MACROD2: variants seen among roughly 807,000 people sequenced by gnomAD.
MACROD2 encodes ADP-ribose glycohydrolase MACROD2.
In MACROD2, 36 loss-of-function variants were observed where a neutral mutation model predicts 70.4. The ratio of observed to expected loss-of-function variants is 0.51; its 90% CI spans 0.39 to 0.68. The LOEUF (loss-of-function observed/expected upper bound fraction) is 0.68, where lower values mean the gene tolerates loss of function less well. Among genes scored for constraint, MACROD2 ranks in the 30% least tolerant of loss-of-function variants. The pLI is 0.00. For missense variants in MACROD2, 496 were observed against 538.4 expected (o/e 0.92, Z 0.78); for synonymous variants, 172 against 178.8 (o/e 0.96, Z 0.30).
At chr20:14,230,839 C>A (rs4813154) in intron 3 of MACROD2, among the ~76,000 whole-genome samples, 1 of 151,038 alleles carries the variant, frequency 6.6e-6, no homozygotes, top group African/African-American at 2.4e-5. Flanking sequence ...GTATTTCTTA[C>A]AAGAAGGCTT....
At chr20:15,945,706 C>A (rs985962251) in intron 12 of MACROD2, among the ~76,000 whole-genome samples, 3 of 152,134 alleles carry the variant, frequency 2.0e-5, no homozygotes, top group Admixed American at 6.5e-5. Context: ...TTTAAAAAGT[C>A]ATCAGTGTTA....
chr20:14,711,611 G>C (rs2071339501), intron 5 of MACROD2, among the ~76,000 whole-genome samples: 1 of 152,086 alleles, frequency 6.6e-6, no homozygotes, highest in Non-Finnish European at 1.5e-5. Context: ...AAACTAACGA[G>C]TGTTTGTCTA....
At chr20:14,241,115 CA>C (rs879797391) in intron 3 of MACROD2, among the ~76,000 whole-genome samples, 8 of 144,234 alleles carry the variant, frequency 5.5e-5, no homozygotes, top group East Asian at 4.0e-4. Context: ...GACTCCGTCT[CA>C]AAAAAAAAAA....
At chr20:14,977,462 T>TACACACACACACACACAC (rs3045702) in intron 5 of MACROD2, among the ~76,000 whole-genome samples, 1 of 135,016 alleles carries the variant, frequency 7.4e-6, no homozygotes, top group African/African-American at 2.8e-5. Flanking sequence ...AAGAAAAAGA[T>TACACACACACACACACAC]ACACACACAC....
At chr20:14,249,128 GTTT>G (rs1173672516) in intron 3 of MACROD2, among the ~76,000 whole-genome samples, 8 of 103,076 alleles carry the variant, frequency 7.8e-5, no homozygotes, top group Non-Finnish European at 1.1e-4. Context: ...GATTTCAAAG[GTTT>G]TTTTTTTTTT....
chr20:15,566,628 A>G, intron 8 of MACROD2, among the ~76,000 whole-genome samples: 1 of 152,082 alleles, frequency 6.6e-6, no homozygotes, highest in East Asian at 1.9e-4. Context: ...CTACCTTTGT[A>G]TTTCTTGTCA....
intron 5 of MACROD2, among the ~76,000 whole-genome samples, chr20:15,027,249 T>C (rs1395471390): frequency 6.6e-6 from 1 of 152,234 alleles, no homozygotes; most frequent in Non-Finnish European, 1.5e-5. Context: ...CATTTTATTA[T>C]AGGCATGTCC....
intron 5 of MACROD2, among the ~76,000 whole-genome samples, chr20:14,940,148 CAAAAA>C (rs57697517): frequency 9.1e-5 from 5 of 55,104 alleles, no homozygotes; most frequent in African/African-American, 2.4e-4. Context: ...CTCATCTCTG[CAAAAA>C]AAAAAAAAAA....
chr20:15,615,346 T>G (rs1056289141), intron 8 of MACROD2, among the ~76,000 whole-genome samples: 8 of 152,134 alleles, frequency 5.3e-5, no homozygotes, highest in Middle Eastern at 3.2e-3. Context: ...GAAAAACCAT[T>G]TCCAGGTTTT....
chr20:14,941,680 A>G (rs558010340), intron 5 of MACROD2, among the ~76,000 whole-genome samples: 14 of 152,046 alleles, frequency 9.2e-5, no homozygotes, highest in South Asian at 8.3e-4. Context: ...TTGTTTTTCT[A>G]TTGGGGGAAA....
At chr20:14,191,596 A>ATCT (rs746714181) in intron 3 of MACROD2, among the ~76,000 whole-genome samples, 1 of 152,210 alleles carries the variant, frequency 6.6e-6, no homozygotes, top group Admixed American at 6.5e-5. Flanking sequence ...GGAGAGGGAG[A>ATCT]GTAGAGAATG....
chr20:16,016,785 C>T (rs908381949), intron 15 of MACROD2, among the ~76,000 whole-genome samples: 2 of 152,160 alleles, frequency 1.3e-5, no homozygotes, highest in Non-Finnish European at 2.9e-5. Flanking sequence ...ATATCCGCTT[C>T]CTCATCTGCA....
intron 8 of MACROD2, among the ~76,000 whole-genome samples, chr20:15,538,661 A>G (rs930941800): frequency 1.3e-5 from 2 of 152,230 alleles, no homozygotes; most frequent in Admixed American, 6.5e-5. Flanking sequence ...ATTTAAAAAT[A>G]TAAAAGTTTA....
chr20:14,587,425 A>T (rs1231959287), intron 4 of MACROD2, among the ~76,000 whole-genome samples: 1 of 151,690 alleles, frequency 6.6e-6, no homozygotes, highest in Non-Finnish European at 1.5e-5. Flanking sequence ...GTTAGAATTG[A>T]GTTGTTTTAT....
intron 6 of MACROD2, among the ~76,000 whole-genome samples, chr20:15,419,595 AG>A (rs1174381316): frequency 3.9e-5 from 6 of 152,166 alleles, no homozygotes; most frequent in African/African-American, 1.4e-4. Context: ...CCCCCCTCTC[AG>A]GGTCAGTTAG....
intron 5 of MACROD2, among the ~76,000 whole-genome samples, chr20:14,755,285 A>G (rs1460849901): frequency 1.3e-5 from 2 of 151,992 alleles, no homozygotes; most frequent in Non-Finnish European, 2.9e-5. Flanking sequence ...GCTTTGGGCC[A>G]TCTCTGATGA....
chr20:15,987,273 G>A (rs944530970), intron 15 of MACROD2, 115 bp downstream of exon 15: 7 of 818,114 alleles, frequency 8.6e-6, no homozygotes, highest in African/African-American at 5.4e-5. Context: ...GGGGGAAAAC[G>A]AACATTTCCT....
intron 5 of MACROD2, among the ~76,000 whole-genome samples, chr20:15,220,518 T>TCCCTGCTG (rs1283458634): frequency 1.3e-5 from 2 of 152,222 alleles, no homozygotes; most frequent in Non-Finnish European, 2.9e-5. Context: ...GATAGGGCAT[T>TCCCTGCTG]CCCTGCTGCC....
chr20:15,710,856 A>G (rs2050615944), intron 8 of MACROD2, among the ~76,000 whole-genome samples: 1 of 152,180 alleles, frequency 6.6e-6, no homozygotes, highest in South Asian at 2.1e-4. Context: ...CCTCAAGGAC[A>G]ATGATGTATT....
Sources: allele counts gnomAD v4.1 joint callset (sites outside exome capture counted in the v4.1 genomes callset), GRCh38; gene constraint gnomAD v4.1.1; transcripts MANE v1.5; gene names NCBI Gene and HGNC (gene_info 2026-07-23, HGNC 2026-07-21).